Variants in ESRRG observed in about 807,000 individuals in gnomAD.
ESRRG encodes the protein estrogen-related receptor gamma.
A neutral mutation model predicts 44.0 loss-of-function variants in ESRRG; 13 were observed. The observed-to-expected ratio is 0.30, with a 90% confidence interval of 0.19 to 0.47. ESRRG has a LOEUF of 0.47. ESRRG is among the 20% of genes least tolerant of loss of function. ESRRG has a pLI of 1.00. For missense variants in ESRRG, 395 were observed against 580.6 expected (o/e 0.68, Z 3.29); for synonymous variants, 215 against 214.6 (o/e 1.00, Z -0.02).
chr1:216,835,716 T>G (rs1379805322), intron 2 of ESRRG, among the ~76,000 whole-genome samples: 1 of 152,122 alleles, frequency 6.6e-6, no homozygotes, highest in Non-Finnish European at 1.5e-5. Context: ...GAACTGCCAA[T>G]GAAGTGGGTG....
chr1:216,605,806 A>G (rs2059857441), intron 3 of ESRRG, among the ~76,000 whole-genome samples: 1 of 152,004 alleles, frequency 6.6e-6, no homozygotes, highest in Non-Finnish European at 1.5e-5. Context: ...AAAGTAAACG[A>G]AAGACTGGGT....
intron 1 of ESRRG, chr1:217,076,886 G>A (rs192508245): frequency 6.6e-6 from 1 of 152,260 alleles, no homozygotes; most frequent in East Asian, 1.9e-4. Flanking sequence ...ACTTTGCCCA[G>A]AATCACATTG....
chr1:216,821,689 AAAATAAATAAATAAATAAAT>A lies in ESRRG; in HGVS notation c.-14+117873_-14+117892del, dbSNP rs199753545. Among the ~76,000 whole-genome samples the A allele has an allele frequency of 1.1e-3, 119 of 113,126 alleles. 6 individuals are homozygous for A. Among genetic ancestry groups the A allele is most frequent in the African/African-American group, 3.1e-3 (95 of 30,982 alleles). The allele number at this position is 113,126 out of a possible 152,430, so 74.2% of individuals were successfully genotyped here. A position where few individuals can be genotyped will look rare whatever the true frequency, so the allele number is the denominator to read the frequency against. On this transcript the variant is annotated intron_variant, in intron 2 of 7. Coordinates refer to the ESRRG transcript ENST00000359162. ...GACAGAACAAGAACCTGCCTCAGGA[AAAATAAATAAATAAATAAAT>A]AAATAAATAAATAAATAAATAAATA... is the stretch of plus-strand genomic sequence containing the variant.
At chr1:217,087,806 A>G (rs560253726) in intron 1 of ESRRG, among the ~76,000 whole-genome samples, 11 of 152,214 alleles carry the variant, frequency 7.2e-5, no homozygotes, top group Non-Finnish European at 1.2e-4. Context: ...TAACAGACAA[A>G]TGTACGCTTA....
chr1:216,889,852 T>C lies in ESRRG; in HGVS notation c.-14+49730A>G, dbSNP rs867360445. Among the ~76,000 whole-genome samples, 3 of 152,100 alleles carry C rather than the reference T, an allele frequency of 2.0e-5. No individual in the cohort carries two copies. In the South Asian group the frequency reaches 6.2e-4, roughly 32 times the overall value. On this transcript the variant is annotated intron_variant, in intron 2 of 7. Transcript: ENST00000359162. ...TAATTATTTTACTGTGTATAGAAAG[T>C]GGAGGAAAAGATGAAAAGGTCTCTT... is the stretch of plus-strand genomic sequence containing the variant.
chr1:216,822,770 C>T (rs1293255015), intron 2 of ESRRG, among the ~76,000 whole-genome samples: 1 of 152,146 alleles, frequency 6.6e-6, no homozygotes, highest in Non-Finnish European at 1.5e-5. Context: ...ACAAGAGAAG[C>T]TATTGACAAG....
At chr1:216,527,084 A>C (rs1479500219) in intron 5 of ESRRG, among the ~76,000 whole-genome samples, 1 of 152,198 alleles carries the variant, frequency 6.6e-6, no homozygotes, top group Non-Finnish European at 1.5e-5. Context: ...ATAAGACATA[A>C]TCCTTGTCAT....
chr1:216,961,773 T>C (rs1355829718), intron 1 of ESRRG, among the ~76,000 whole-genome samples: 2 of 152,168 alleles, frequency 1.3e-5, no homozygotes, highest in Non-Finnish European at 2.9e-5. Context: ...CAAAGATTGA[T>C]ACTAGTAAAA....
At chr1:216,861,112 C>T (rs200147530) in intron 2 of ESRRG, among the ~76,000 whole-genome samples, 16 of 150,676 alleles carry the variant, frequency 1.1e-4, no homozygotes, top group East Asian at 7.8e-4. Flanking sequence ...ATAAGCCAAC[C>T]GAGGTCATAA....
chr1:216,647,887 C>G (rs2067986562), intron 3 of ESRRG, among the ~76,000 whole-genome samples: 1 of 152,148 alleles, frequency 6.6e-6, no homozygotes. Context: ...CTGTTGAAAT[C>G]TGATTTCATT....
At chr1:217,135,234 TCCCCCTCCTCA>T (rs1357001036) in intron 1 of ESRRG, among the ~76,000 whole-genome samples, 4 of 151,924 alleles carry the variant, frequency 2.6e-5, no homozygotes, top group African/African-American at 9.7e-5. Context: ...CACGCGCTTT[TCCCCCTCCTCA>T]CCCCCTGCTC....
chr1:216,788,295 A>G (rs1023464296), intron 2 of ESRRG, among the ~76,000 whole-genome samples: 2 of 152,256 alleles, frequency 1.3e-5, no homozygotes, highest in African/African-American at 4.8e-5. Context: ...CTCTCTTGTT[A>G]GGGGCTAATA....
chr1:216,673,244 T>C (rs1396899733), intron 2 of ESRRG, among the ~76,000 whole-genome samples: 2 of 152,222 alleles, frequency 1.3e-5, no homozygotes, highest in African/African-American at 4.8e-5. Context: ...ATCACTACCG[T>C]ATTTGGCCAC....
intron 1 of ESRRG, among the ~76,000 whole-genome samples, chr1:217,042,991 T>A (rs1294122278): frequency 6.6e-6 from 1 of 152,124 alleles, no homozygotes; most frequent in African/African-American, 2.4e-5. Flanking sequence ...TGGCCTGATA[T>A]CTCCCTTTAT....
At chr1:216,561,605 T>C (rs2149509844) in intron 5 of ESRRG, among the ~76,000 whole-genome samples, 1 of 152,310 alleles carries the variant, frequency 6.6e-6, no homozygotes, top group Admixed American at 6.5e-5. Context: ...TGTGGTCCTC[T>C]ACTGACCAAC....
intron 2 of ESRRG, among the ~76,000 whole-genome samples, chr1:216,883,729 C>T (rs2096481768): frequency 6.6e-6 from 1 of 152,248 alleles, no homozygotes; most frequent in African/African-American, 2.4e-5. Flanking sequence ...AATGGTAGCA[C>T]CACAAAGATT....
intron 1 of ESRRG, among the ~76,000 whole-genome samples, chr1:217,067,562 T>A (rs1441000959): frequency 6.6e-6 from 1 of 152,206 alleles, no homozygotes; most frequent in African/African-American, 2.4e-5. Flanking sequence ...ACATACAGTA[T>A]TTTTGAGGCA....
chr1:216,623,241 C>T (rs1197804403), intron 3 of ESRRG, among the ~76,000 whole-genome samples: 1 of 151,918 alleles, frequency 6.6e-6, no homozygotes, highest in Non-Finnish European at 1.5e-5. Flanking sequence ...CACCACCACG[C>T]CCGGCTAATT....
intron 5 of ESRRG, among the ~76,000 whole-genome samples, chr1:216,550,019 G>C (rs1644540945): frequency 6.6e-6 from 1 of 152,028 alleles, no homozygotes; most frequent in African/African-American, 2.4e-5. Context: ...TTACATCAAA[G>C]TTTGCTTGCC....
Sources: gnomAD v4.1 joint callset for allele counts (sites outside exome capture counted in the v4.1 genomes callset) on GRCh38, gnomAD v4.1.1 for gene constraint, MANE v1.5 for transcripts, NCBI Gene and HGNC (gene_info 2026-07-23, HGNC 2026-07-21) for gene names.